The following LYPD6B variants were observed in gnomAD, a reference collection of about 807,000 sequenced individuals.
LYPD6B encodes LY6/PLAUR domain containing 6B.
LYPD6B carries 17 observed loss-of-function variants against 22.8 expected under a neutral mutation model. The observed-to-expected ratio is 0.75, with a 90% CI of 0.51 to 1.12. LYPD6B has a LOEUF of 1.12. LYPD6B is among the 50% of genes most tolerant of loss of function. The probability of loss-of-function intolerance (pLI) is 0.00; values close to 1 mark genes in which losing one functional copy is unlikely to be tolerated. For synonymous variants in LYPD6B, 106 were observed against 91.6 expected, an observed-to-expected ratio of 1.16 and a Z score of -0.90; for missense variants, 221 against 258.3, an observed-to-expected ratio of 0.86 and a Z score of 0.99.
intron 3 of LYPD6B, among the ~76,000 whole-genome samples, chr2:149,194,410 A>G (rs1692675815): frequency 6.6e-6 from 1 of 152,228 alleles, no homozygotes; most frequent in African/African-American, 2.4e-5. Flanking sequence ...CCTGGTATAA[A>G]CAACCTGGCA....
chr2:149,208,771 A>T (rs770625151), intron 5 of LYPD6B, among the ~76,000 whole-genome samples: 8 of 152,218 alleles, frequency 5.3e-5, no homozygotes, highest in Non-Finnish European at 1.0e-4. Context: ...CATTCATTTA[A>T]CAAACTTCCA....
intron 2 of LYPD6B, among the ~76,000 whole-genome samples, chr2:149,133,051 G>T (rs982423311): frequency 3.9e-5 from 6 of 152,140 alleles, no homozygotes; most frequent in East Asian, 1.9e-4. Flanking sequence ...TCATTTCTAT[G>T]TGCATCTGGG....
In LYPD6B at chr2:149,078,793, G is replaced by A. The variant is rs143670586; in HGVS notation, c.-67+39992G>A. ...AAGCTGAGATGGGAGGATTGCTCAA[G>A]CCCTGGAGTTCGAGAGCAGCCTGAG... On this transcript the variant is annotated intron_variant, in intron 1 of 6. Transcript: ENST00000409642. Among the ~76,000 whole-genome samples the A allele has an allele frequency of 2.3e-3, 346 of 152,188 alleles. 4 individuals carry two copies. The highest frequency in any genetic ancestry group is 4.4e-3 in the Non-Finnish European group (299 of 67,998).
At chr2:149,201,081 G>A (rs1442752704) in intron 3 of LYPD6B, among the ~76,000 whole-genome samples, 1 of 152,200 alleles carries the variant, frequency 6.6e-6, no homozygotes, top group African/African-American at 2.4e-5. Flanking sequence ...TTCCCTTAGT[G>A]TCAAAATATG....
chr2:149,203,269 T>C (rs1490193987), intron 3 of LYPD6B, among the ~76,000 whole-genome samples: 2 of 152,216 alleles, frequency 1.3e-5, no homozygotes, highest in East Asian at 3.8e-4. Context: ...TGAATGTAGA[T>C]AACGTGACAC....
chr2:149,143,913 A>G (rs1285467518), intron 2 of LYPD6B: 2 of 152,212 alleles, frequency 1.3e-5, no homozygotes, highest in Non-Finnish European at 2.9e-5. Context: ...GGTTTTTCTA[A>G]GTCTCTCAAG....
intron 3 of LYPD6B, among the ~76,000 whole-genome samples, chr2:149,180,504 C>T (rs1360551836): frequency 6.6e-6 from 1 of 152,166 alleles, no homozygotes; most frequent in Non-Finnish European, 1.5e-5. Flanking sequence ...GTCTTAGCCC[C>T]CCAGAGGAGA....
chr2:149,057,360 TC>T (rs1275293423), intron 1 of LYPD6B, among the ~76,000 whole-genome samples: 2 of 151,828 alleles, frequency 1.3e-5, no homozygotes, highest in African/African-American at 4.8e-5. Flanking sequence ...AATACAAAGT[TC>T]TAGTCTCCCA....
intron 3 of LYPD6B, among the ~76,000 whole-genome samples, chr2:149,163,829 G>T (rs910856843): frequency 2.0e-5 from 3 of 152,084 alleles, no homozygotes; most frequent in African/African-American, 7.2e-5. Flanking sequence ...GTCAACAATT[G>T]GGTCTATGAA....
intron 1 of LYPD6B, among the ~76,000 whole-genome samples, chr2:149,116,268 A>G (rs2105563707): frequency 6.6e-6 from 1 of 152,302 alleles, no homozygotes; most frequent in Non-Finnish European, 1.5e-5. Context: ...GTATGTATCT[A>G]TAGGACAAAA....
chr2:149,111,820 G>A (rs142119338), intron 1 of LYPD6B, among the ~76,000 whole-genome samples: 1 of 152,186 alleles, frequency 6.6e-6, no homozygotes, highest in Non-Finnish European at 1.5e-5. Context: ...AAGTCAGGAA[G>A]ATGAGGAAGA....
intron 3 of LYPD6B, among the ~76,000 whole-genome samples, chr2:149,189,108 C>A (rs576466899): frequency 4.6e-5 from 7 of 151,822 alleles, no homozygotes; most frequent in African/African-American, 1.7e-4. Context: ...ATGGTAGCCC[C>A]CTCTTCCTAT....
Position 149,214,700 on chromosome 2 carries a change from C to T in LYPD6B, c.614C>T (p.Pro205Leu). Reference sequence around the variant, plus strand: ...GTGCTTGCCTGGGTCTTTGTGCTTCCATTGCTGTGATGCCACCATTCCTAG... The same window carrying T: ...GTGCTTGCCTGGGTCTTTGTGCTTCTATTGCTGTGATGCCACCATTCCTAG... The part of the protein sequence containing the change: ...LPVLAWVFVL[P>L]LL Residue 205 changes from proline (P) to leucine (L), a missense_variant, in exon 7 of 7, where the codon CCA (proline) becomes CTA (leucine). Physicochemically the swap from Pro to Leu is moderately conservative, Grantham distance 98. Coordinates refer to ENST00000409642, the MANE Select transcript of LYPD6B (RefSeq NM_177964.5). 6.2e-7 allele frequency: 1 copy of T among 1,613,992 alleles called. No individual in the cohort carries two copies. Among genetic ancestry groups the T allele is most frequent in the Non-Finnish European group, 8.5e-7 (1 of 1,179,866 alleles).
chr2:149,054,717 A>G (rs1683709924), intron 1 of LYPD6B, among the ~76,000 whole-genome samples: 1 of 152,148 alleles, frequency 6.6e-6, no homozygotes, highest in South Asian at 2.1e-4. Flanking sequence ...TCTACAAAAA[A>G]GAAAAAATAA....
At chr2:149,112,652 G>C (rs958947005) in intron 1 of LYPD6B, among the ~76,000 whole-genome samples, 4 of 152,066 alleles carry the variant, frequency 2.6e-5, no homozygotes, top group Non-Finnish European at 5.9e-5. Flanking sequence ...GTTAGTATGA[G>C]GTTTAAGTGG....
At chr2:149,192,074 G>T (rs886518745) in intron 3 of LYPD6B, among the ~76,000 whole-genome samples, 1 of 144,226 alleles carries the variant, frequency 6.9e-6, no homozygotes, top group African/African-American at 2.4e-5. Context: ...TAGGTAAAGC[G>T]TGTTAAGGAG....
chr2:149,058,226 A>G (rs909703887), intron 1 of LYPD6B, among the ~76,000 whole-genome samples: 7 of 152,200 alleles, frequency 4.6e-5, no homozygotes, highest in African/African-American at 1.4e-4. Context: ...CCATCAAGCC[A>G]TCTCAGAGGT....
At chr2:149,102,298 C>T (rs763287951) in intron 1 of LYPD6B, among the ~76,000 whole-genome samples, 14 of 152,116 alleles carry the variant, frequency 9.2e-5, no homozygotes, top group Non-Finnish European at 2.1e-4. Flanking sequence ...ATTTAGGAAA[C>T]AGTGAGTTAG....
intron 1 of LYPD6B, among the ~76,000 whole-genome samples, chr2:149,101,951 A>C (rs1164344967): frequency 6.6e-6 from 1 of 152,200 alleles, no homozygotes; most frequent in Non-Finnish European, 1.5e-5. Flanking sequence ...GAAGAAAGTA[A>C]AGTACCCCTT....
Sources: allele counts gnomAD v4.1 joint callset (sites outside exome capture counted in the v4.1 genomes callset), GRCh38; gene constraint gnomAD v4.1.1; transcripts MANE v1.5; gene names NCBI Gene and HGNC (gene_info 2026-07-23, HGNC 2026-07-21).